The following RBFOX1 variants were observed in gnomAD, a reference collection of about 807,000 sequenced individuals.
RBFOX1 encodes RNA binding protein fox-1 homolog 1.
In RBFOX1, 8 loss-of-function variants were observed where a neutral mutation model predicts 57.7. That is an observed-to-expected ratio of 0.14 (90% CI 0.08 to 0.25). The LOEUF (loss-of-function observed/expected upper bound fraction) is 0.25. Ranked by LOEUF, RBFOX1 falls within the 10% of genes least tolerant of loss-of-function variation. The pLI, the probability that RBFOX1 is intolerant of heterozygous loss-of-function variation, is 1.00. For synonymous variants in RBFOX1, 326 were observed against 222.4 expected (o/e 1.47, Z -4.15); for missense variants, 611 against 548.5 (o/e 1.11, Z -1.14).
chr16:7,346,900 C>A (rs376099786), intron 4 of RBFOX1, among the ~76,000 whole-genome samples: 2 of 151,400 alleles, frequency 1.3e-5, no homozygotes, highest in Admixed American at 6.6e-5. Context: ...TGTCTAGCTT[C>A]AAAAAAAACG....
At chr16:6,077,456 G>A (rs1024483373) in intron 1 of RBFOX1, among the ~76,000 whole-genome samples, 2 of 152,134 alleles carry the variant, frequency 1.3e-5, no homozygotes, top group Non-Finnish European at 2.9e-5. Flanking sequence ...CTGCGAACCA[G>A]GAAGGGAGAA....
chr16:6,497,519 T>A (rs887106549), intron 2 of RBFOX1, among the ~76,000 whole-genome samples: 34 of 151,530 alleles, frequency 2.2e-4, no homozygotes, highest in Non-Finnish European at 7.4e-5. Flanking sequence ...ACATGTGGAA[T>A]AACCTCCAGT....
At chr16:5,565,602 G>C (rs1313708609) in intron 2 of RBFOX1, among the ~76,000 whole-genome samples, 1 of 151,018 alleles carries the variant, frequency 6.6e-6, no homozygotes, top group Non-Finnish European at 1.5e-5. Flanking sequence ...TCCAGCCTGG[G>C]CAATAAGAGC....
chr16:7,353,056 C>T (rs1207414440), intron 4 of RBFOX1, among the ~76,000 whole-genome samples: 22 of 152,096 alleles, frequency 1.4e-4, no homozygotes, highest in Non-Finnish European at 1.5e-5. Context: ...CAGGTTTGTG[C>T]ATGAGTTACA....
intron 3 of RBFOX1, chr16:6,704,945 A>C (rs984303357): frequency 9.9e-5 from 15 of 152,284 alleles, no homozygotes; most frequent in Non-Finnish European, 1.9e-4. Context: ...GCACTTATCC[A>C]AGTCGTGCCA....
At chr16:5,563,228 C>T (rs1294552062) in intron 2 of RBFOX1, among the ~76,000 whole-genome samples, 2 of 152,186 alleles carry the variant, frequency 1.3e-5, no homozygotes, top group African/African-American at 2.4e-5. Flanking sequence ...GGATTACAGG[C>T]GTGAGCCACC....
At chr16:6,078,179 C>A (rs1347513196) in intron 1 of RBFOX1, among the ~76,000 whole-genome samples, 1 of 152,088 alleles carries the variant, frequency 6.6e-6, no homozygotes, top group Non-Finnish European at 1.5e-5. Flanking sequence ...TGAGGAAATG[C>A]TTTGTACATA....
chr16:6,460,286 T>A (rs2094886271), intron 2 of RBFOX1, among the ~76,000 whole-genome samples: 2 of 152,092 alleles, frequency 1.3e-5, no homozygotes, highest in African/African-American at 4.8e-5. Context: ...CCTAATCTCT[T>A]CTTATAAGAA....
chr16:7,210,557 A>G (rs2090928930), intron 4 of RBFOX1, among the ~76,000 whole-genome samples: 2 of 152,206 alleles, frequency 1.3e-5, no homozygotes, highest in South Asian at 2.1e-4. Flanking sequence ...ATAAACGGAT[A>G]CTGTATTCTA....
intron 1 of RBFOX1, among the ~76,000 whole-genome samples, chr16:5,325,734 A>G (rs115731775): frequency 1.6e-3 from 246 of 152,332 alleles, no homozygotes; most frequent in African/African-American, 5.6e-3. Context: ...TGTCTTGAGC[A>G]TCACACAAGT....
intron 4 of RBFOX1, among the ~76,000 whole-genome samples, chr16:7,354,911 G>T (rs1183320160): frequency 6.6e-6 from 1 of 152,150 alleles, no homozygotes; most frequent in African/African-American, 2.4e-5. Flanking sequence ...TAATTGTATT[G>T]CTATCTTGTG....
In RBFOX1 at chr16:6,291,626, A is replaced by T. The variant is rs182869038; in HGVS notation, c.-126-25369A>T. On this transcript the variant is annotated intron_variant, in intron 1 of 15. Coordinates refer to ENST00000550418, the MANE Select transcript of RBFOX1 (RefSeq NM_018723.4). ...CCTCTTGCCCGCCTGAGGCAAATGC[A>T]TATCCAATGGCATCCTTTGCCGTAT... Among the ~76,000 whole-genome samples, 16 of 152,310 alleles carry T rather than the reference A, an allele frequency of 1.1e-4. 1 individual carries two copies. The East Asian group carries it at 3.1e-3, about 29-fold the overall frequency.
intron 10 of RBFOX1, among the ~76,000 whole-genome samples, chr16:7,609,178 A>G (rs2056937242): frequency 2.0e-5 from 3 of 152,228 alleles, no homozygotes; most frequent in Admixed American, 2.0e-4. Flanking sequence ...ATATGCACAT[A>G]TCTGAGTGCA....
intron 4 of RBFOX1, among the ~76,000 whole-genome samples, chr16:5,903,588 C>G (rs1048827184): frequency 2.2e-4 from 33 of 152,262 alleles, no homozygotes; most frequent in African/African-American, 7.9e-4. Context: ...CTGTCTCTTG[C>G]AGCCGTGGGA....
chr16:6,483,522 C>T (rs781504951), intron 2 of RBFOX1: 5 of 1,535,650 alleles, frequency 3.3e-6, no homozygotes, highest in East Asian at 4.9e-5. Context: ...CAGCTAATTG[C>T]AGTCGTGGGA....
intron 3 of RBFOX1, among the ~76,000 whole-genome samples, chr16:6,827,188 TG>T (rs1179178901): frequency 1.5e-5 from 2 of 137,564 alleles, no homozygotes; most frequent in African/African-American, 5.7e-5. Context: ...ATAAATCCAT[TG>T]TATTAGAGGT....
chr16:7,214,377 A>C (rs78127132), intron 4 of RBFOX1, among the ~76,000 whole-genome samples: 4 of 152,080 alleles, frequency 2.6e-5, no homozygotes, highest in Admixed American at 1.3e-4. Flanking sequence ...GGGGTGCTCA[A>C]GCTAAACACT....
At chr16:6,912,015 C>G (rs1399606956) in intron 3 of RBFOX1, among the ~76,000 whole-genome samples, 2 of 152,188 alleles carry the variant, frequency 1.3e-5, no homozygotes, top group Non-Finnish European at 2.9e-5. Flanking sequence ...AAGATGCATT[C>G]TTCAAAGATT....
chr16:6,239,960 GGGAGT>G (rs2097531635), intron 1 of RBFOX1, among the ~76,000 whole-genome samples: 1 of 152,024 alleles, frequency 6.6e-6, no homozygotes, highest in Non-Finnish European at 1.5e-5. Flanking sequence ...TTTCGGTTGT[GGGAGT>G]GGATCTCTCA....
Sources: gnomAD v4.1 joint callset for allele counts (sites outside exome capture counted in the v4.1 genomes callset) on GRCh38, gnomAD v4.1.1 for gene constraint, MANE v1.5 for transcripts, NCBI Gene and HGNC (gene_info 2026-07-23, HGNC 2026-07-21) for gene names.